Variants in CAMK2D observed in about 807,000 individuals in gnomAD.
The protein encoded by CAMK2D is calcium/calmodulin-dependent protein kinase type II subunit delta.
In CAMK2D, 37 loss-of-function variants were observed where a neutral mutation model predicts 84.0. The observed-to-expected ratio is 0.44, with a 90% CI of 0.34 to 0.58. CAMK2D has a LOEUF of 0.58. Among genes scored for constraint, CAMK2D ranks in the 20% least tolerant of loss-of-function variants. The pLI is 0.02. For synonymous variants in CAMK2D, 202 were observed against 212.5 expected, an observed-to-expected ratio of 0.95 and a Z score of 0.43; for missense variants, 448 against 652.5, an observed-to-expected ratio of 0.69 and a Z score of 3.41.
At chr4:113,665,097 C>T (rs901551546) in intron 2 of CAMK2D, among the ~76,000 whole-genome samples, 7 of 152,192 alleles carry the variant, frequency 4.6e-5, no homozygotes, top group African/African-American at 1.4e-4. Flanking sequence ...AGCCACCGTG[C>T]CCAGCCCACA....
intron 8 of CAMK2D, among the ~76,000 whole-genome samples, chr4:113,529,262 A>G (rs1220419710): frequency 6.6e-6 from 1 of 152,190 alleles, no homozygotes; most frequent in African/African-American, 2.4e-5. Context: ...AATCAGTTTA[A>G]GATCAAACAT....
chr4:113,726,292 T>A (rs1053409866), intron 2 of CAMK2D, among the ~76,000 whole-genome samples: 1 of 150,838 alleles, frequency 6.6e-6, no homozygotes, highest in Non-Finnish European at 1.5e-5. Flanking sequence ...ACATTTCCCC[T>A]AGACTTAGAA....
chr4:113,710,150 A>G (rs967924037), intron 2 of CAMK2D, among the ~76,000 whole-genome samples: 1 of 152,116 alleles, frequency 6.6e-6, no homozygotes. Context: ...ATTTGTGAAT[A>G]AATTCCTGTC....
chr4:113,749,609 T>C (rs1404247775), intron 2 of CAMK2D, among the ~76,000 whole-genome samples: 1 of 152,190 alleles, frequency 6.6e-6, no homozygotes, highest in African/African-American at 2.4e-5. Flanking sequence ...TTTTTTAAAC[T>C]CAAACATGTT....
chr4:113,740,690 A>G (rs2148913890), intron 2 of CAMK2D, among the ~76,000 whole-genome samples: 4 of 152,242 alleles, frequency 2.6e-5, no homozygotes, highest in Admixed American at 2.6e-4. Context: ...GTAGATCAAT[A>G]GTCATGCTTC....
intron 3 of CAMK2D, among the ~76,000 whole-genome samples, chr4:113,641,511 T>C (rs2099132157): frequency 6.6e-6 from 1 of 152,234 alleles, no homozygotes; most frequent in African/African-American, 2.4e-5. Flanking sequence ...GATCTTTCTT[T>C]CTTGCAGATT....
At chr4:113,671,306 C>T (rs545701983) in intron 2 of CAMK2D, among the ~76,000 whole-genome samples, 2 of 152,188 alleles carry the variant, frequency 1.3e-5, no homozygotes, top group South Asian at 4.2e-4. Context: ...TCCTTTAAAG[C>T]ATCTGGAACA....
intron 4 of CAMK2D, among the ~76,000 whole-genome samples, chr4:113,583,505 A>T (rs2098820059): frequency 6.6e-6 from 1 of 152,200 alleles, no homozygotes; most frequent in Non-Finnish European, 1.5e-5. Context: ...ACTGGTAAAA[A>T]TGGGTAATTA....
chr4:113,506,894 C>T (rs1169309827), intron 13 of CAMK2D, among the ~76,000 whole-genome samples: 1 of 149,612 alleles, frequency 6.7e-6, no homozygotes, highest in African/African-American at 2.5e-5. Context: ...CACATGTTCC[C>T]CCCCCCACAC....
At chr4:113,466,615 GATA>G (rs1258143264) in intron 16 of CAMK2D, among the ~76,000 whole-genome samples, 1 of 152,180 alleles carries the variant, frequency 6.6e-6, no homozygotes, top group Non-Finnish European at 1.5e-5. Context: ...GATGTAGGCA[GATA>G]ATAAGATGAA....
At chr4:113,640,452 T>C (rs929727661) in intron 3 of CAMK2D, among the ~76,000 whole-genome samples, 3 of 152,174 alleles carry the variant, frequency 2.0e-5, no homozygotes, top group Admixed American at 1.3e-4. Flanking sequence ...CTGGGCCATA[T>C]TGTTTCCTTA....
intron 18 of CAMK2D, among the ~76,000 whole-genome samples, chr4:113,459,057 C>T (rs13107881): frequency 0.15 from 22,585 of 152,098 alleles, 1,787 homozygotes; most frequent in Middle Eastern, 0.2. Context: ...TCTGAAACTA[C>T]CACAAGTCTT....
intron 2 of CAMK2D, among the ~76,000 whole-genome samples, chr4:113,708,510 A>G (rs1267024035): frequency 6.6e-6 from 1 of 152,166 alleles, no homozygotes; most frequent in African/African-American, 2.4e-5. Flanking sequence ...CTCTTCATTC[A>G]GACCACTTCT....
chr4:113,530,365 C>CCAT (rs1430239717), intron 8 of CAMK2D, among the ~76,000 whole-genome samples: 4 of 152,070 alleles, frequency 2.6e-5, no homozygotes, highest in African/African-American at 9.7e-5. Flanking sequence ...TGACTGCAAC[C>CCAT]CATCACATGA....
chr4:113,486,205 G>A (rs1243131357), intron 16 of CAMK2D, among the ~76,000 whole-genome samples: 3 of 151,732 alleles, frequency 2.0e-5, no homozygotes, highest in East Asian at 1.9e-4. Flanking sequence ...GTCATAGCTC[G>A]CTGTGGTATT....
intron 13 of CAMK2D, among the ~76,000 whole-genome samples, chr4:113,507,806 T>C (rs983005160): frequency 6.6e-6 from 1 of 152,168 alleles, no homozygotes; most frequent in Non-Finnish European, 1.5e-5. Context: ...TTAACTAGGA[T>C]TGGTACATTG....
At chr4:113,637,595 C>A (rs1009167606) in intron 3 of CAMK2D, among the ~76,000 whole-genome samples, 10 of 152,082 alleles carry the variant, frequency 6.6e-5, no homozygotes, top group African/African-American at 2.4e-4. Context: ...GGTTTGGGCA[C>A]ATAATCAAAA....
chr4:113,637,280 T>C (rs1181823693), intron 3 of CAMK2D, among the ~76,000 whole-genome samples: 1 of 152,222 alleles, frequency 6.6e-6, no homozygotes, highest in Non-Finnish European at 1.5e-5. Flanking sequence ...GATGAATAAA[T>C]GTATGAGGAC....
At chr4:113,494,452 GGGGGTCA>G (rs1358606699) in intron 16 of CAMK2D, among the ~76,000 whole-genome samples, 4 of 152,104 alleles carry the variant, frequency 2.6e-5, no homozygotes, top group Non-Finnish European at 4.4e-5. Context: ...TAGGCTGCTC[GGGGGTCA>G]GGGGTCAGGG....
Sources: gnomAD v4.1 joint callset for allele counts (sites outside exome capture counted in the v4.1 genomes callset) on GRCh38, gnomAD v4.1.1 for gene constraint, MANE v1.5 for transcripts, NCBI Gene and HGNC (gene_info 2026-07-23, HGNC 2026-07-21) for gene names.